The following SUMF1 variants were observed in gnomAD, a reference collection of about 807,000 sequenced individuals.
The protein encoded by SUMF1 is formylglycine-generating enzyme.
A neutral mutation model predicts 47.6 loss-of-function variants in SUMF1; 48 were observed. The observed-to-expected ratio is 1.01, with a 90% CI of 0.80 to 1.28. The LOEUF (loss-of-function observed/expected upper bound fraction) is 1.28. SUMF1 is among the 50% of genes most tolerant of loss of function. The pLI is 0.00. For synonymous variants in SUMF1, 230 were observed against 192.1 expected (o/e 1.20, Z -1.63); for missense variants, 571 against 485.4 (o/e 1.18, Z -1.66).
intron 8 of SUMF1, among the ~76,000 whole-genome samples, chr3:4,277,091 G>A (rs896022883): frequency 5.3e-5 from 8 of 152,152 alleles, no homozygotes; most frequent in Admixed American, 3.3e-4. Flanking sequence ...TCTATTATAC[G>A]CGGAACCTGC....
intron 3 of SUMF1, among the ~76,000 whole-genome samples, chr3:4,430,385 A>G (rs755534285): frequency 6.6e-6 from 1 of 152,166 alleles, no homozygotes; most frequent in African/African-American, 2.4e-5. Flanking sequence ...TGGCTCTCCT[A>G]TTACATCACT....
intron 8 of SUMF1, among the ~76,000 whole-genome samples, chr3:4,238,901 G>C (rs1696473980): frequency 6.6e-6 from 1 of 152,130 alleles, no homozygotes; most frequent in Admixed American, 6.5e-5. Flanking sequence ...GGCTTTTATG[G>C]TTTTAGGTCT....
chr3:4,194,106 T>C (rs901572022), intron 8 of SUMF1, among the ~76,000 whole-genome samples: 1 of 152,122 alleles, frequency 6.6e-6, no homozygotes, highest in African/African-American at 2.4e-5. Context: ...ATACCTGTGA[T>C]GTCCAATCTG....
intron 8 of SUMF1, among the ~76,000 whole-genome samples, chr3:4,123,001 C>G (rs1693578974): frequency 6.6e-6 from 1 of 152,152 alleles, no homozygotes; most frequent in South Asian, 2.1e-4. Flanking sequence ...TTCCTTAGTA[C>G]CAGGCATCGT....
chr3:4,035,595 T>C (rs1054485836), intron 9 of SUMF1, among the ~76,000 whole-genome samples: 1 of 152,182 alleles, frequency 6.6e-6, no homozygotes, highest in African/African-American at 2.4e-5. Context: ...GGATATATTT[T>C]AGAGAGGCCA....
intron 8 of SUMF1, among the ~76,000 whole-genome samples, chr3:4,297,439 G>A (rs1043763532): frequency 2.0e-5 from 3 of 152,040 alleles, no homozygotes; most frequent in Non-Finnish European, 2.9e-5. Flanking sequence ...GTCTCTCTCC[G>A]TCGCCCAATC....
chr3:4,110,918 C>A (rs1432802573), intron 8 of SUMF1, among the ~76,000 whole-genome samples: 1 of 150,742 alleles, frequency 6.6e-6, no homozygotes, highest in African/African-American at 2.4e-5. Context: ...GGGTGCAGCA[C>A]ACCAACATGG....
Position 4,335,966 on chromosome 3 carries a change from A to AAACAAAAACAAAC in SUMF1, c.1014+40363_1014+40364insGTTTGTTTTTGTT, listed in dbSNP as rs575357717. Among the ~76,000 whole-genome samples, 641 of 144,978 alleles carry AAACAAAAACAAAC rather than the reference A, an allele frequency of 4.4e-3. 12 individuals carry two copies. The highest frequency in any genetic ancestry group is 0.016 in the African/African-American group (611 of 37,648). On this transcript the variant is annotated intron_variant and NMD_transcript_variant, in intron 8 of 12. Coordinates refer to the SUMF1 transcript ENST00000448413. The stretch of plus-strand genomic sequence containing the variant: ...ACTGAGTGAGATTCCAACTCAAAAA[A>AAACAAAAACAAAC]AAAAAAAAAAAAAACAGAAAAAACC...
chr3:4,034,592 G>A lies in SUMF1; in HGVS notation c.1191+33977C>T, dbSNP rs150095916. Among the ~76,000 whole-genome samples the A allele has an allele frequency of 1.7e-3, 263 of 152,156 alleles. 1 individual carries two copies. The highest frequency in any genetic ancestry group is 3.1e-3 in the Non-Finnish European group (214 of 67,998). On this transcript the variant is annotated intron_variant and NMD_transcript_variant, in intron 9 of 12. Transcript: ENST00000448413. ...AGAATCTGCATTTGGTGATTCTCTC[G>A]CAAATTCAAGTTTGAGAAACCCTTT... is the stretch of plus-strand genomic sequence containing the variant.
chr3:4,244,135 T>C (rs1322219820), intron 8 of SUMF1, among the ~76,000 whole-genome samples: 1 of 152,204 alleles, frequency 6.6e-6, no homozygotes, highest in African/African-American at 2.4e-5. Context: ...TCCATCCCTT[T>C]ATTTTGAGCC....
At chr3:4,187,809 T>G (rs1001376861) in intron 8 of SUMF1, among the ~76,000 whole-genome samples, 2 of 152,202 alleles carry the variant, frequency 1.3e-5, no homozygotes, top group African/African-American at 4.8e-5. Context: ...GCTGATGGTT[T>G]GTCTTAAACT....
intron 8 of SUMF1, among the ~76,000 whole-genome samples, chr3:4,182,022 T>C (rs919690215): frequency 6.6e-5 from 10 of 152,184 alleles, no homozygotes; most frequent in Non-Finnish European, 1.5e-4. Flanking sequence ...TAGTTCGATT[T>C]GTAACTTCGA....
chr3:4,180,392 C>T (rs1222916597), intron 8 of SUMF1, among the ~76,000 whole-genome samples: 1 of 151,988 alleles, frequency 6.6e-6, no homozygotes, highest in Non-Finnish European at 1.5e-5. Flanking sequence ...ATGTCCTTTG[C>T]AGGAACATGA....
chr3:4,297,535 G>C (rs1351723241), intron 8 of SUMF1, among the ~76,000 whole-genome samples: 3 of 147,802 alleles, frequency 2.0e-5, no homozygotes. Flanking sequence ...AGCCTCCCTA[G>C]AATTACAGCC....
In SUMF1 at chr3:4,205,047, T is replaced by C. The variant is rs181157507; in HGVS notation, c.1015-136302A>G. 9.0e-4 allele frequency among the ~76,000 whole-genome samples: 137 copies of C among 152,258 alleles called. 1 individual carries two copies. The highest frequency in any genetic ancestry group is 6.1e-3 in the Admixed American group (93 of 15,282). On this transcript the variant is annotated intron_variant and NMD_transcript_variant, in intron 8 of 12. Transcript: ENST00000448413. ...CCTCTGAGCCCAAGCTAAGCCACCA[T>C]ATCCCCAGTGACCTGCACATATACA...
chr3:4,150,616 C>T lies in SUMF1; in HGVS notation c.1015-81871G>A, dbSNP rs926272112. 4.0e-5 allele frequency among the ~76,000 whole-genome samples: 6 copies of T among 151,276 alleles called. 1 individual carries two copies. Among genetic ancestry groups the T allele is most frequent in the African/African-American group, 1.5e-4 (6 of 40,740 alleles). ...CCCAGGCTGGTCTCAAACTCCTGGG[C>T]TCAAGTAATTCTACCACTTCATCCT... is the stretch of plus-strand genomic sequence containing the variant. On this transcript the variant is annotated intron_variant and NMD_transcript_variant, in intron 8 of 12. Coordinates refer to the SUMF1 transcript ENST00000448413.
At chr3:4,145,296 G>A (rs1439864821) in intron 8 of SUMF1, among the ~76,000 whole-genome samples, 2 of 151,580 alleles carry the variant, frequency 1.3e-5, no homozygotes, top group African/African-American at 4.8e-5. Context: ...CTAGCAGAGT[G>A]CTTGAAATTA....
intron 8 of SUMF1, chr3:4,313,012 C>T (rs1348281156): frequency 5.0e-6 from 8 of 1,613,860 alleles, no homozygotes; most frequent in East Asian, 2.2e-5. Flanking sequence ...CTCCTGTCTC[C>T]GCCATGGAGA....
chr3:4,156,366 T>C (rs898483643), intron 8 of SUMF1, among the ~76,000 whole-genome samples: 1 of 151,656 alleles, frequency 6.6e-6, no homozygotes, highest in Admixed American at 6.6e-5. Context: ...GTAGAACTAA[T>C]TAGTACCTAA....
Sources: allele counts gnomAD v4.1 joint callset (sites outside exome capture counted in the v4.1 genomes callset), GRCh38; gene constraint gnomAD v4.1.1; transcripts MANE v1.5; gene names NCBI Gene and HGNC (gene_info 2026-07-23, HGNC 2026-07-21).